ADARB2: variants seen among roughly 807,000 people sequenced by gnomAD.
ADARB2 encodes adenosine deaminase RNA specific B2 (inactive), also known as inactive double-stranded RNA-specific editase B2.
ADARB2 carries 25 observed loss-of-function variants against 62.2 expected under a neutral mutation model. That is an observed-to-expected ratio of 0.40 (90% CI 0.29 to 0.56). The LOEUF is 0.56. Ranked by LOEUF, ADARB2 falls within the 20% of genes least tolerant of loss-of-function variation. The pLI, the probability that ADARB2 is intolerant of heterozygous loss-of-function variation, is 0.43. For missense variants in ADARB2, 1,071 were observed against 1,077.4 expected (o/e 0.99, Z 0.08); for synonymous variants, 572 against 500.8 (o/e 1.14, Z -1.90).
chr10:1,297,069 T>C (rs1416241152), intron 3 of ADARB2, among the ~76,000 whole-genome samples: 2 of 152,250 alleles, frequency 1.3e-5, no homozygotes, highest in African/African-American at 2.4e-5. Flanking sequence ...CTGGATTCAA[T>C]AGTATCCTCC....
chr10:1,199,219 C>CCA (rs1554742821), intron 8 of ADARB2, among the ~76,000 whole-genome samples: 9 of 148,396 alleles, frequency 6.1e-5, no homozygotes, highest in African/African-American at 1.2e-4. Context: ...AACCCACCCC[C>CCA]CCGCTTCCCG....
At chr10:1,266,441 G>GT (rs1831201324) in intron 4 of ADARB2, among the ~76,000 whole-genome samples, 1 of 151,744 alleles carries the variant, frequency 6.6e-6, no homozygotes, top group African/African-American at 2.4e-5. Flanking sequence ...ACCCTACAGG[G>GT]AGGAAAGGAC....
chr10:1,350,692 ATG>A (rs1162340008), intron 3 of ADARB2, among the ~76,000 whole-genome samples: 1 of 152,218 alleles, frequency 6.6e-6, no homozygotes, highest in African/African-American at 2.4e-5. Context: ...CAACCCTGAG[ATG>A]CTTTACAGCC....
intron 8 of ADARB2, among the ~76,000 whole-genome samples, chr10:1,185,314 A>T (rs892202415): frequency 2.0e-5 from 3 of 152,148 alleles, no homozygotes; most frequent in Non-Finnish European, 4.4e-5. Context: ...CTCCGTCCAG[A>T]TTCCCCCCCC....
At chr10:1,352,814 G>T (rs1427213335) in intron 3 of ADARB2, among the ~76,000 whole-genome samples, 1 of 152,060 alleles carries the variant, frequency 6.6e-6, no homozygotes, top group Admixed American at 6.5e-5. Context: ...CATTATTCCA[G>T]ATACCACACC....
chr10:1,552,991 G>C (rs1457799729), intron 1 of ADARB2, among the ~76,000 whole-genome samples: 1 of 152,212 alleles, frequency 6.6e-6, no homozygotes, highest in Non-Finnish European at 1.5e-5. Context: ...TCACCCCCAT[G>C]GTCTGTGCCC....
chr10:1,513,220 C>T (rs1831961449), intron 1 of ADARB2, among the ~76,000 whole-genome samples: 1 of 152,136 alleles, frequency 6.6e-6, no homozygotes, highest in African/African-American at 2.4e-5. Context: ...AAAAAATTAC[C>T]AGAATGTTCA....
At chr10:1,698,958 G>T (rs901199219) in intron 1 of ADARB2, among the ~76,000 whole-genome samples, 12 of 152,068 alleles carry the variant, frequency 7.9e-5, no homozygotes, top group African/African-American at 2.2e-4. Context: ...ATTGGGTTTC[G>T]CCATGTTGGC....
chr10:1,585,132 T>A (rs927559455), intron 1 of ADARB2, among the ~76,000 whole-genome samples: 1 of 152,112 alleles, frequency 6.6e-6, no homozygotes, highest in African/African-American at 2.4e-5. Flanking sequence ...TGGTGGTGAT[T>A]GTCAATGTAG....
At chr10:1,620,365 C>A (rs1034729635) in intron 1 of ADARB2, among the ~76,000 whole-genome samples, 2 of 152,046 alleles carry the variant, frequency 1.3e-5, no homozygotes, top group Non-Finnish European at 2.9e-5. Context: ...CTTTATGGCC[C>A]AAATGAGGCA....
At chr10:1,476,580 C>G (rs549568624) in intron 1 of ADARB2, among the ~76,000 whole-genome samples, 3 of 152,130 alleles carry the variant, frequency 2.0e-5, no homozygotes, top group Non-Finnish European at 2.9e-5. Flanking sequence ...GCACACAGGA[C>G]GGGGGAGCTG....
chr10:1,271,113 G>A (rs768685703), intron 3 of ADARB2, 44 bp from the exon 4 acceptor site: 3 of 1,532,416 alleles, frequency 2.0e-6, no homozygotes, highest in South Asian at 2.3e-5. Flanking sequence ...CTGAGCAGGT[G>A]CCGTGGAGGA....
intron 1 of ADARB2, among the ~76,000 whole-genome samples, chr10:1,554,781 T>C (rs1564328540): frequency 1.3e-5 from 2 of 152,172 alleles, no homozygotes; most frequent in African/African-American, 2.4e-5. Context: ...GAGGTACGTG[T>C]GCAGGTTGTT....
At chr10:1,221,982 G>C (rs1267349802) in intron 6 of ADARB2, among the ~76,000 whole-genome samples, 1 of 152,180 alleles carries the variant, frequency 6.6e-6, no homozygotes, top group Non-Finnish European at 1.5e-5. Flanking sequence ...GATCCCTGAG[G>C]AATGACCACA....
chr10:1,362,305 G>A (rs1358263769), intron 3 of ADARB2, among the ~76,000 whole-genome samples: 2 of 152,258 alleles, frequency 1.3e-5, no homozygotes, highest in Non-Finnish European at 2.9e-5. Flanking sequence ...ACCCCGTGGA[G>A]TGTGCTTTCA....
intron 1 of ADARB2, among the ~76,000 whole-genome samples, chr10:1,421,731 A>G (rs568800530): frequency 1.2e-3 from 180 of 152,204 alleles, no homozygotes; most frequent in African/African-American, 4.1e-3. Flanking sequence ...CCATTGTAAG[A>G]TTCACCCCAT....
intron 1 of ADARB2, among the ~76,000 whole-genome samples, chr10:1,622,532 C>T (rs894227958): frequency 2.6e-5 from 4 of 152,050 alleles, no homozygotes; most frequent in African/African-American, 9.7e-5. Context: ...TTTGAACAGT[C>T]ATGCCACTAA....
intron 1 of ADARB2, among the ~76,000 whole-genome samples, chr10:1,558,968 C>A (rs759134800): frequency 4.6e-5 from 7 of 152,230 alleles, no homozygotes; most frequent in African/African-American, 9.6e-5. Flanking sequence ...GGACTCAAAG[C>A]CTGGCACATG....
Position 1,184,918 on chromosome 10 carries a change from G to C in ADARB2, c.1986C>G (p.Gly662=), listed in dbSNP as rs1207091973. 6.2e-7 allele frequency: 1 copy of C among 1,613,796 alleles called. No homozygotes were observed. The highest frequency in any genetic ancestry group is 8.5e-7 in the Non-Finnish European group (1 of 1,180,046). ...NATTGRRSCG[G]PSRLCKHVLS... is the part of the protein sequence containing the mutation. ...GCACGTGCTTGCAGAGCCGGGATGG[G>C]CCCCCACAGCTCCTCCGCCCAGTGG... Residue 662 remains glycine, a synonymous_variant, in exon 9 of 10, where the codon GGC becomes GGG. Transcript: ENST00000381312.
Sources: allele counts gnomAD v4.1 joint callset (sites outside exome capture counted in the v4.1 genomes callset), GRCh38; gene constraint gnomAD v4.1.1; transcripts MANE v1.5; gene names NCBI Gene and HGNC (gene_info 2026-07-23, HGNC 2026-07-21).